The following UNC13B variants were observed in gnomAD, a reference collection of about 807,000 sequenced individuals.
UNC13B encodes protein unc-13 homolog B.
Under a neutral mutation model 211.0 loss-of-function variants are expected in UNC13B, and 144 were observed. The observed-to-expected ratio is 0.68, with a 90% CI of 0.60 to 0.78. UNC13B has a LOEUF of 0.78. Ranked by LOEUF, UNC13B falls within the 30% of genes least tolerant of loss-of-function variation. The probability of loss-of-function intolerance (pLI) is 0.00; values close to 1 mark genes in which losing one functional copy is unlikely to be tolerated. For missense variants in UNC13B, 1,777 were observed against 2,002.0 expected (o/e 0.89, Z 2.14); for synonymous variants, 709 against 725.8 (o/e 0.98, Z 0.37).
Position 35,377,406 on chromosome 9 carries a change from C to T in UNC13B, c.9836-62C>T, listed in dbSNP as rs114925305. 4.5e-3 allele frequency: 6,972 copies of T among 1,550,256 alleles called. 241 individuals carry two copies. The African/African-American group carries it at 0.082, about 18-fold the overall frequency. ...CACTGCTCTGCAGCCTCTCCCAGGCCCCATTCCTCAGCTCAACCCTTGGTC... is the reference window on the plus strand; with the variant it reads ...CACTGCTCTGCAGCCTCTCCCAGGCTCCATTCCTCAGCTCAACCCTTGGTC... On this transcript the variant is annotated intron_variant, in intron 15 of 39. Coordinates refer to ENST00000635942, the MANE Select transcript of UNC13B (RefSeq NM_001371189.2).
At chr9:35,274,686 G>A (rs1379152886) in intron 7 of UNC13B, among the ~76,000 whole-genome samples, 5 of 152,154 alleles carry the variant, frequency 3.3e-5, no homozygotes. Flanking sequence ...TGATGCCCAG[G>A]TTCCTCTGGG....
chr9:35,286,180 A>G (rs1828780979), intron 7 of UNC13B, among the ~76,000 whole-genome samples: 1 of 151,004 alleles, frequency 6.6e-6, no homozygotes, highest in South Asian at 2.1e-4. Flanking sequence ...GCTTCCACAT[A>G]GGAACCAGTT....
Position 35,300,871 on chromosome 9 carries a change from T to TA in UNC13B, c.1473dup (p.Ser492IlefsTer3), listed in dbSNP as rs1277256393. The TA allele has an allele frequency of 2.5e-6, 1 of 398,756 alleles. No individual in the cohort carries two copies. Among genetic ancestry groups the TA allele is most frequent in the Non-Finnish European group, 4.4e-6 (1 of 225,982 alleles). 24.7% of individuals were successfully genotyped at this position (398,756 alleles called of 1,614,324 possible). A position where few individuals can be genotyped will look rare whatever the true frequency, so the allele number is the denominator to read the frequency against. ...ATAGATTTGGTTCACTTTCAAAAAC[T>TA]AAAAAATCACATAAACAAAATAGTA... On this transcript the variant is annotated frameshift_variant, in exon 9 of 40. Coordinates refer to ENST00000635942, the MANE Select transcript of UNC13B (RefSeq NM_001371189.2). LOFTEE classifies it high-confidence loss of function.
At chr9:35,250,720 T>G (rs566065617) in intron 6 of UNC13B, among the ~76,000 whole-genome samples, 2 of 152,306 alleles carry the variant, frequency 1.3e-5, no homozygotes, top group Non-Finnish European at 1.5e-5. Context: ...TGCATTTAAC[T>G]GATAGACTGC....
chr9:35,386,272 A>G lies in UNC13B; in HGVS notation c.11073A>G (p.Leu3691=). 6.2e-7 allele frequency: 1 copy of G among 1,614,080 alleles called. No individual in the cohort carries two copies. Among genetic ancestry groups the G allele is most frequent in the Non-Finnish European group, 8.5e-7 (1 of 1,179,986 alleles). The change falls in exon 24 of 40, where the codon TTA becomes TTG. Residue 3691 remains leucine (L), a synonymous_variant. Coordinates refer to ENST00000635942, the MANE Select transcript of UNC13B (RefSeq NM_001371189.2). ...YEYIFNNCHD[L]YSRQYQLKQE... is the part of the protein sequence containing the mutation. ...ATATCTTCAACAACTGCCACGACTTATACAGCCGCCAGTACCAGCTGGTAA... is the reference window on the plus strand; with the variant it reads ...ATATCTTCAACAACTGCCACGACTTGTACAGCCGCCAGTACCAGCTGGTAA...
intron 11 of UNC13B, among the ~76,000 whole-genome samples, chr9:35,328,243 C>G (rs536577313): frequency 6.6e-6 from 1 of 152,086 alleles, no homozygotes; most frequent in South Asian, 2.1e-4. Flanking sequence ...AGGCTGGTCT[C>G]GAATTCCTGA....
At chr9:35,384,107 C>A in intron 21 of UNC13B, 139 bp from the exon 22 acceptor site, 1 of 1,340,058 alleles carries the variant, frequency 7.5e-7, no homozygotes, top group Non-Finnish European at 1.0e-6. Flanking sequence ...TTGTTCTTCC[C>A]ATGGGCAGGG....
chr9:35,325,174 A>G lies in UNC13B; in HGVS notation c.9414+11185A>G, dbSNP rs541511506. 3.3e-5 allele frequency among the ~76,000 whole-genome samples: 5 copies of G among 152,340 alleles called. No homozygotes were observed. In the East Asian group the frequency reaches 9.6e-4, roughly 29 times the overall value. On this transcript the variant is annotated intron_variant, in intron 11 of 39. Transcript: ENST00000635942. Reference sequence around the variant, plus strand: ...ATCTTATGCACATAAAAAGTACTCCATAAATATCTGTTGGCAGGATGAATG... The same window carrying G: ...ATCTTATGCACATAAAAAGTACTCCGTAAATATCTGTTGGCAGGATGAATG...
intron 1 of UNC13B, among the ~76,000 whole-genome samples, chr9:35,170,117 G>A (rs1011114190): frequency 2.6e-5 from 4 of 152,052 alleles, no homozygotes; most frequent in African/African-American, 9.7e-5. Flanking sequence ...GGAAATAACT[G>A]CACTGTCTTG....
At chr9:35,275,435 TC>T (rs1342898745) in intron 7 of UNC13B, among the ~76,000 whole-genome samples, 1 of 152,204 alleles carries the variant, frequency 6.6e-6, no homozygotes, top group Non-Finnish European at 1.5e-5. Context: ...TCCCTCCTGT[TC>T]CTATTCCCCA....
intron 6 of UNC13B, among the ~76,000 whole-genome samples, chr9:35,244,893 A>C (rs987641142): frequency 1.3e-5 from 2 of 151,668 alleles, no homozygotes; most frequent in African/African-American, 4.8e-5. Context: ...AGCAACATCT[A>C]CTCTTTTCAG....
intron 13 of UNC13B, among the ~76,000 whole-genome samples, chr9:35,370,838 T>A (rs2132187460): frequency 6.6e-6 from 1 of 152,368 alleles, no homozygotes; most frequent in East Asian, 1.9e-4. Context: ...CATAGGCTTT[T>A]GAGACTATCT....
Position 35,303,648 on chromosome 9 carries a change from G to A in UNC13B, c.4244G>A (p.Arg1415Lys), listed in dbSNP as rs1256272127. ...CAAAATGCAAACATCTTGGAGTGGA[G>A]AACAAATCCAAACAGTGTCATTTGG... ...KDQNANILEW[R>K]TNPNSVIWCD... is the part of the protein sequence containing the mutation. Residue 1415 changes from arginine (R) to lysine (K), a missense_variant, in exon 9 of 40, where the codon AGA becomes AAA. Arg to Lys is a conservative substitution (Grantham distance 26). Transcript: ENST00000635942. 2.5e-6 allele frequency: 1 copy of A among 398,614 alleles called. No homozygotes were observed. Among genetic ancestry groups the A allele is most frequent in the African/African-American group, 2.1e-5 (1 of 48,622 alleles). The allele number at this position is 398,614 out of a possible 1,614,324, so 24.7% of individuals were successfully genotyped here. A position where few individuals can be genotyped will look rare whatever the true frequency, so the allele number is the denominator to read the frequency against.
At position 35,306,910 on chromosome 9, in the gene UNC13B, A is replaced by T. The variant is rs1829953309; in HGVS notation, c.7506A>T (p.Ser2502=). The change falls in exon 9 of 40, where the codon TCA becomes TCT. Residue 2502 remains serine, a synonymous_variant. Coordinates refer to ENST00000635942, the MANE Select transcript of UNC13B (RefSeq NM_001371189.2). ...NSFFSLASDV[S]SQPLKGELFG... is the part of the protein sequence containing the mutation. ...TTTTCTCTCTTGCTTCTGATGTATC[A>T]TCTCAGCCCCTCAAAGGTGAATTAT... is the stretch of plus-strand genomic sequence containing the variant. The T allele has an allele frequency of 2.5e-6, 1 of 398,842 alleles. No homozygotes were observed. The highest frequency in any genetic ancestry group is 2.1e-5 in the African/African-American group (1 of 48,590). 24.7% of individuals were successfully genotyped at this position (398,842 alleles called of 1,614,324 possible).
intron 1 of UNC13B, among the ~76,000 whole-genome samples, chr9:35,211,499 T>C (rs1225803133): frequency 1.3e-5 from 2 of 152,248 alleles, no homozygotes; most frequent in Non-Finnish European, 2.9e-5. Flanking sequence ...TATCTACTCA[T>C]CTTCTATTGA....
At chr9:35,313,160 G>A (rs892255436) in intron 10 of UNC13B, among the ~76,000 whole-genome samples, 1 of 152,162 alleles carries the variant, frequency 6.6e-6, no homozygotes, top group African/African-American at 2.4e-5. Context: ...TGCCTCTAGA[G>A]TCCTGATCCC....
At chr9:35,381,441 A>G in intron 19 of UNC13B, 115 bp from the exon 20 acceptor site, 1 of 1,317,804 alleles carries the variant, frequency 7.6e-7, no homozygotes, top group South Asian at 1.5e-5. Context: ...CAATGACTGG[A>G]AGGACAGAAT....
At position 35,382,452 on chromosome 9, in the gene UNC13B, C is replaced by T; in HGVS notation, c.10751C>T (p.Thr3584Ile). The part of the protein sequence containing the change: ...LANINAYYAH[T>I]TASTNVSASD... Reference sequence around the variant, plus strand: ...AACATCAACGCCTACTATGCCCACACAACTGCCTCTACCAATGTCTCTGCA... The same window carrying T: ...AACATCAACGCCTACTATGCCCACATAACTGCCTCTACCAATGTCTCTGCA... The change falls in exon 21 of 40, where the codon ACA (threonine) becomes ATA (isoleucine). Residue 3584 changes from threonine to isoleucine, a missense_variant. Physicochemically the swap from Thr to Ile is moderately conservative, Grantham distance 89 (BLOSUM62 -1). Transcript: ENST00000635942. The T allele has an allele frequency of 6.2e-7, 1 of 1,614,220 alleles. No individual in the cohort carries two copies. Among genetic ancestry groups the T allele is most frequent in the Non-Finnish European group, 8.5e-7 (1 of 1,180,032 alleles).
intron 1 of UNC13B, among the ~76,000 whole-genome samples, chr9:35,175,392 A>G (rs1490711692): frequency 4.6e-5 from 7 of 152,232 alleles, no homozygotes; most frequent in Admixed American, 3.3e-4. Flanking sequence ...GCTGCCGCCA[A>G]GGAACTCCAG....
Sources: allele counts gnomAD v4.1 joint callset (sites outside exome capture counted in the v4.1 genomes callset), GRCh38; gene constraint gnomAD v4.1.1; transcripts MANE v1.5; gene names NCBI Gene and HGNC (gene_info 2026-07-23, HGNC 2026-07-21).